Variants in CYRIA observed in about 807,000 individuals in gnomAD.
CYRIA encodes the protein CYFIP related Rac1 interactor A, also known as CYFIP-related Rac1 interactor A.
A neutral mutation model predicts 43.9 loss-of-function variants in CYRIA; 15 were observed. That is an observed-to-expected ratio of 0.34 (90% CI 0.23 to 0.53). The LOEUF is 0.53. CYRIA is among the 20% of genes least tolerant of loss of function. The probability of loss-of-function intolerance (pLI) is 0.94; values close to 1 mark genes in which losing one functional copy is unlikely to be tolerated. For synonymous variants in CYRIA, 117 were observed against 136.0 expected (o/e 0.86, Z 0.97); for missense variants, 236 against 394.2 (o/e 0.60, Z 3.40).
chr2:16,559,664 T>C (rs979639914), intron 9 of CYRIA, 78 bp from the exon 10 acceptor site: 8 of 1,522,470 alleles, frequency 5.3e-6, no homozygotes, highest in Non-Finnish European at 7.1e-6. Context: ...CTGGATACTT[T>C]AGATGCCTCC....
intron 2 of CYRIA, among the ~76,000 whole-genome samples, chr2:16,591,608 T>A (rs76025921): frequency 6.6e-6 from 1 of 152,236 alleles, no homozygotes; most frequent in South Asian, 2.1e-4. Context: ...GGGTGTACTC[T>A]GAAGGGCTGG....
chr2:16,572,242 T>C (rs904147329), intron 3 of CYRIA, among the ~76,000 whole-genome samples: 4 of 152,220 alleles, frequency 2.6e-5, no homozygotes, highest in Admixed American at 1.3e-4. Context: ...AAGCTAAGAA[T>C]AGCCTGTCTC....
chr2:16,639,156 G>A (rs1396202848), intron 1 of CYRIA, among the ~76,000 whole-genome samples: 1 of 152,172 alleles, frequency 6.6e-6, no homozygotes, highest in Admixed American at 6.5e-5. Context: ...GCCCTGCCCA[G>A]CAATGCACTC....
chr2:16,592,915 T>C (rs79503741), intron 2 of CYRIA, among the ~76,000 whole-genome samples: 2 of 152,134 alleles, frequency 1.3e-5, no homozygotes, highest in South Asian at 4.1e-4. Context: ...AATAGGATCA[T>C]AGAAAAGAGT....
chr2:16,604,917 T>C (rs765719712), intron 2 of CYRIA, among the ~76,000 whole-genome samples: 1 of 152,192 alleles, frequency 6.6e-6, no homozygotes, highest in African/African-American at 2.4e-5. Flanking sequence ...GTGAGTCTAT[T>C]AAGCACTTTC....
intron 1 of CYRIA, among the ~76,000 whole-genome samples, chr2:16,663,407 T>A (rs1211472251): frequency 6.6e-6 from 1 of 152,066 alleles, no homozygotes; most frequent in Non-Finnish European, 1.5e-5. Flanking sequence ...TTAACAAACC[T>A]AGAGCATGGC....
chr2:16,588,012 G>A, intron 3 of CYRIA, 38 bp downstream of exon 3: 2 of 1,305,810 alleles, frequency 1.5e-6, no homozygotes, highest in Middle Eastern at 1.8e-4. Context: ...TATAAGGAAT[G>A]TAAAAAAGTT....
At chr2:16,626,578 C>CA (rs1669174205) in intron 1 of CYRIA, among the ~76,000 whole-genome samples, 1 of 152,188 alleles carries the variant, frequency 6.6e-6, no homozygotes, top group East Asian at 1.9e-4. Flanking sequence ...CATAGAACAA[C>CA]AAAAAGTCAG....
chr2:16,663,643 G>A (rs1045832336), intron 1 of CYRIA, among the ~76,000 whole-genome samples: 5 of 151,864 alleles, frequency 3.3e-5, no homozygotes, highest in Non-Finnish European at 5.9e-5. Flanking sequence ...GGGAGCAAAT[G>A]CAAACTGAAT....
intron 1 of CYRIA, among the ~76,000 whole-genome samples, chr2:16,665,435 C>T (rs913000928): frequency 1.3e-5 from 2 of 151,792 alleles, no homozygotes; most frequent in East Asian, 3.9e-4. Flanking sequence ...TTAGGGGTCC[C>T]CTGCAAGAAT....
chr2:16,658,687 TCTTTC>T (rs1363266984), intron 1 of CYRIA, among the ~76,000 whole-genome samples: 1 of 152,206 alleles, frequency 6.6e-6, no homozygotes, highest in Non-Finnish European at 1.5e-5. Flanking sequence ...TCTTTCCCTT[TCTTTC>T]CTTTCCTTTT....
chr2:16,590,626 G>A (rs1667898373), intron 2 of CYRIA, among the ~76,000 whole-genome samples: 1 of 152,110 alleles, frequency 6.6e-6, no homozygotes, highest in South Asian at 2.1e-4. Flanking sequence ...CCAAATATTG[G>A]CTGTGGAATT....
chr2:16,617,344 G>A (rs1362146519), intron 2 of CYRIA, among the ~76,000 whole-genome samples: 1 of 152,158 alleles, frequency 6.6e-6, no homozygotes, highest in Admixed American at 6.5e-5. Context: ...CTACTACCGG[G>A]TCAGTGCAGT....
At chr2:16,605,578 C>T (rs1374410876) in intron 2 of CYRIA, among the ~76,000 whole-genome samples, 1 of 152,220 alleles carries the variant, frequency 6.6e-6, no homozygotes, top group Non-Finnish European at 1.5e-5. Flanking sequence ...CAAGGGGCCC[C>T]AGAGACCCAA....
intron 1 of CYRIA, among the ~76,000 whole-genome samples, chr2:16,662,879 T>C (rs1029564948): frequency 1.3e-5 from 2 of 152,246 alleles, no homozygotes; most frequent in Non-Finnish European, 2.9e-5. Flanking sequence ...AACTGTATTA[T>C]AAGGATCTTT....
At chr2:16,656,328 T>C (rs1011636210) in intron 1 of CYRIA, among the ~76,000 whole-genome samples, 2 of 152,066 alleles carry the variant, frequency 1.3e-5, no homozygotes, top group African/African-American at 4.8e-5. Flanking sequence ...CACACATATA[T>C]TCCAACCACA....
chr2:16,641,355 C>T (rs1212343053), intron 1 of CYRIA, among the ~76,000 whole-genome samples: 1 of 152,182 alleles, frequency 6.6e-6, no homozygotes, highest in Non-Finnish European at 1.5e-5. Flanking sequence ...CCTTTCCAGC[C>T]TTCCCACCTG....
chr2:16,647,629 T>C lies in CYRIA; in HGVS notation c.-167+18151A>G, dbSNP rs111268383. 2.0e-3 allele frequency among the ~76,000 whole-genome samples: 301 copies of C among 152,324 alleles called. 3 individuals are homozygous for C. The highest frequency in any genetic ancestry group is 5.1e-3 in the African/African-American group (211 of 41,562). On this transcript the variant is annotated intron_variant, in intron 1 of 11. Coordinates refer to ENST00000381323, the MANE Select transcript of CYRIA (RefSeq NM_030797.4). ...GAACCATATCACTGCTGTCTTCATTTACTCCTAGCCATACATACTGACCTC... is the reference window on the plus strand; with the variant it reads ...GAACCATATCACTGCTGTCTTCATTCACTCCTAGCCATACATACTGACCTC...
rs1558397390 is a variant in CYRIA, at chr2:16,552,934, C to A, written c.*2G>T. On this transcript the variant is annotated 3_prime_UTR_variant, in exon 12 of 12. Transcript: ENST00000381323. Reference sequence around the variant, plus strand: ...CATAGATCCTCTTCTTTGAGCAGAGCTCTACTGAAGCATTGCTCGAATCTG... The same window carrying A: ...CATAGATCCTCTTCTTTGAGCAGAGATCTACTGAAGCATTGCTCGAATCTG... The A allele has an allele frequency of 7.6e-6, 12 of 1,588,886 alleles. No individual in the cohort carries two copies. The highest frequency in any genetic ancestry group is 1.7e-5 in the Admixed American group (1 of 59,888).
Sources: gnomAD v4.1 joint callset for allele counts (sites outside exome capture counted in the v4.1 genomes callset) on GRCh38, gnomAD v4.1.1 for gene constraint, MANE v1.5 for transcripts, NCBI Gene and HGNC (gene_info 2026-07-23, HGNC 2026-07-21) for gene names.